PTGER4: variants seen among roughly 807,000 people sequenced by gnomAD.
PTGER4 encodes the protein prostaglandin E2 receptor EP4 subtype.
PTGER4 carries 11 observed loss-of-function variants against 33.2 expected under a neutral mutation model. The observed-to-expected ratio is 0.33, with a 90% CI of 0.21 to 0.55. PTGER4 has a LOEUF of 0.55. PTGER4 is among the 20% of genes least tolerant of loss of function. The pLI is 0.92. For missense variants in PTGER4, 481 were observed against 650.2 expected (o/e 0.74, Z 2.83); for synonymous variants, 275 against 281.5 (o/e 0.98, Z 0.23).
At chr5:40,712,511 A>G in the PTGER4 span, among the ~76,000 whole-genome samples, 4 of 152,164 alleles carry the variant, frequency 2.6e-5, no homozygotes, top group African/African-American at 9.7e-5. Context: ...TATGCCAACA[A>G]TAGCCACCAG....
At chr5:40,713,980 T>C in the PTGER4 span, among the ~76,000 whole-genome samples, 1 of 152,322 alleles carries the variant, frequency 6.6e-6, no homozygotes, top group South Asian at 2.1e-4. Flanking sequence ...TCTCCATAAC[T>C]TACTGTTTCT....
At chr5:40,682,513 C>G (rs1741224729) in intron 2 of PTGER4, among the ~76,000 whole-genome samples, 1 of 152,130 alleles carries the variant, frequency 6.6e-6, no homozygotes, top group Non-Finnish European at 1.5e-5. Context: ...CCATGGTGTG[C>G]CCTGGGAGGG....
the PTGER4 span, among the ~76,000 whole-genome samples, chr5:40,707,949 TGAAGGCA>T: frequency 1.3e-5 from 2 of 152,064 alleles, no homozygotes; most frequent in Non-Finnish European, 2.9e-5. Flanking sequence ...CATAATGAAA[TGAAGGCA>T]GAAATAAAGA....
chr5:40,725,515 T>C, the PTGER4 span, among the ~76,000 whole-genome samples: 308 of 152,240 alleles, frequency 2.0e-3, 1 homozygote, highest in Non-Finnish European at 3.4e-3. Context: ...TTATTGCACA[T>C]TGGCATGAAG....
the PTGER4 span, among the ~76,000 whole-genome samples, chr5:40,731,633 T>C: frequency 6.6e-6 from 1 of 152,172 alleles, no homozygotes; most frequent in African/African-American, 2.4e-5. Flanking sequence ...GAGACCAGCA[T>C]GGCAGAAACT....
chr5:40,715,938 A>C, the PTGER4 span: 1 of 441,254 alleles, frequency 2.3e-6, no homozygotes, highest in Non-Finnish European at 4.0e-6. Context: ...TCAGAATTTT[A>C]ACCTTGAGAA....
Position 40,693,468 on chromosome 5 carries a change from G to A in PTGER4, c.*1090G>A, listed in dbSNP as rs1238328875. ...TTGAGATGTAAAAAGATTCCCAAAC[G>A]TGGTTACATTAGCCATTCATGTATG... On this transcript the variant is annotated 3_prime_UTR_variant, in exon 3 of 3. Transcript: ENST00000302472. The A allele has an allele frequency of 6.1e-6, 6 of 985,786 alleles. No individual in the cohort carries two copies. The highest frequency in any genetic ancestry group is 5.2e-4 in the Middle Eastern group (1 of 1,936). The allele number at this position is 985,786 out of a possible 1,614,324, so 61.1% of individuals were successfully genotyped here. A position where few individuals can be genotyped will look rare whatever the true frequency, so the allele number is the denominator to read the frequency against.
At chr5:40,697,112 AAG>A (rs1741606453), downstream of PTGER4, among the ~76,000 whole-genome samples, 2 of 93,154 alleles carry the variant, frequency 2.1e-5, no homozygotes, top group South Asian at 3.9e-4. Context: ...AAAGAAAGGA[AAG>A]AAAAAAGAAA....
chr5:40,732,417 T>C, the PTGER4 span, among the ~76,000 whole-genome samples: 2 of 151,716 alleles, frequency 1.3e-5, no homozygotes, highest in South Asian at 4.2e-4. Flanking sequence ...GATTTAAAGC[T>C]AGCTCTTAAA....
At chr5:40,693,741 G>A (rs1741527048), downstream of PTGER4, 1 of 976,594 alleles carries the variant, frequency 1.0e-6, no homozygotes, top group Admixed American at 6.1e-5. Context: ...TTCAATCTGA[G>A]TTGCATATCC....
chr5:40,715,062 A>G, the PTGER4 span: 1 of 152,108 alleles, frequency 6.6e-6, no homozygotes, highest in East Asian at 1.9e-4. Flanking sequence ...ATGAGATTGT[A>G]CTATAAATCA....
At chr5:40,719,349 T>C in the PTGER4 span, among the ~76,000 whole-genome samples, 2 of 152,262 alleles carry the variant, frequency 1.3e-5, no homozygotes, top group Non-Finnish European at 2.9e-5. Flanking sequence ...ACTTAACATA[T>C]TGTTTTTAAA....
chr5:40,709,520 A>G, the PTGER4 span, among the ~76,000 whole-genome samples: 1 of 152,244 alleles, frequency 6.6e-6, no homozygotes, highest in Non-Finnish European at 1.5e-5. Flanking sequence ...ACCACTGCTC[A>G]GCAAAATAAA....
the PTGER4 span, among the ~76,000 whole-genome samples, chr5:40,743,898 C>T: frequency 1.3e-5 from 2 of 152,234 alleles, no homozygotes; most frequent in African/African-American, 4.8e-5. Flanking sequence ...GCATCCAATC[C>T]CACTGGTTTT....
chr5:40,697,114 G>GA (rs776747297), downstream of PTGER4, among the ~76,000 whole-genome samples: 1 of 57,942 alleles, frequency 1.7e-5, no homozygotes, highest in African/African-American at 8.1e-5. Flanking sequence ...AGAAAGGAAA[G>GA]AAAAAAGAAA....
At chr5:40,702,521 C>G in the PTGER4 span, among the ~76,000 whole-genome samples, 7 of 152,306 alleles carry the variant, frequency 4.6e-5, no homozygotes, top group East Asian at 1.4e-3. Flanking sequence ...AAAGCAAGTT[C>G]TTAGAGACCT....
chr5:40,714,988 T>C, the PTGER4 span: 4 of 152,168 alleles, frequency 2.6e-5, no homozygotes, highest in Admixed American at 2.6e-4. Flanking sequence ...AATGACAGTA[T>C]TGGTTTGTGA....
chr5:40,704,476 C>A, the PTGER4 span, among the ~76,000 whole-genome samples: 1 of 152,120 alleles, frequency 6.6e-6, no homozygotes, highest in African/African-American at 2.4e-5. Context: ...TATTGGAAGT[C>A]CAGGCCAGAG....
the PTGER4 span, among the ~76,000 whole-genome samples, chr5:40,733,907 TAC>T: frequency 1.3e-5 from 2 of 152,122 alleles, no homozygotes; most frequent in Admixed American, 6.5e-5. Context: ...CAAACAGACA[TAC>T]ACACACACAC....
Sources: gnomAD v4.1 joint callset for allele counts (sites outside exome capture counted in the v4.1 genomes callset) on GRCh38, gnomAD v4.1.1 for gene constraint, MANE v1.5 for transcripts, NCBI Gene and HGNC (gene_info 2026-07-23, HGNC 2026-07-21) for gene names.